CLRN1: variants seen among roughly 807,000 people sequenced by gnomAD.
CLRN1 encodes the protein clarin 1, also known as clarin-1.
A neutral mutation model predicts 18.7 loss-of-function variants in CLRN1; 15 were observed. The ratio of observed to expected loss-of-function variants is 0.80; its 90% confidence interval spans 0.54 to 1.23. CLRN1 has a LOEUF of 1.23. Among genes scored for constraint, CLRN1 ranks in the 50% most tolerant of loss-of-function variants. The pLI is 0.00. For missense variants in CLRN1, 311 were observed against 277.5 expected (o/e 1.12, Z -0.86); for synonymous variants, 104 against 102.9 (o/e 1.01, Z -0.07).
At chr3:150,960,407 T>C (rs770747341) in intron 1 of CLRN1, among the ~76,000 whole-genome samples, 5 of 152,140 alleles carry the variant, frequency 3.3e-5, no homozygotes, top group Non-Finnish European at 5.9e-5. Flanking sequence ...TGTCTCTGCA[T>C]TGGGACCAAG....
Position 150,927,659 on chromosome 3 carries a change from C to CAT in CLRN1, c.*275_*276dup, listed in dbSNP as rs550716419. 4.9e-4 allele frequency: 200 copies of CAT among 405,094 alleles called. No homozygotes were observed. Among genetic ancestry groups the CAT allele is most frequent in the South Asian group, 1.8e-3 (90 of 50,792 alleles). The allele number at this position is 405,094 out of a possible 1,614,324, so 25.1% of individuals were successfully genotyped here. On this transcript the variant is annotated 3_prime_UTR_variant, in exon 3 of 3. Coordinates refer to ENST00000327047, the MANE Select transcript of CLRN1 (RefSeq NM_174878.3). ...ACACACACACACACACACACACACA[C>CAT]ATATATATATATGGAGTAACAATTT...
At chr3:150,970,840 A>G (rs1261663778) in intron 1 of CLRN1, among the ~76,000 whole-genome samples, 1 of 152,216 alleles carries the variant, frequency 6.6e-6, no homozygotes, top group African/African-American at 2.4e-5. Flanking sequence ...CAGGACAAGC[A>G]TAGGACACAA....
intron 1 of CLRN1, among the ~76,000 whole-genome samples, chr3:150,953,745 T>C (rs961813753): frequency 6.6e-6 from 1 of 152,166 alleles, no homozygotes; most frequent in Admixed American, 6.5e-5. Context: ...CTTGAACTCC[T>C]GTCCTCAAGT....
At chr3:150,962,744 T>C (rs1045524957) in intron 1 of CLRN1, among the ~76,000 whole-genome samples, 1 of 152,202 alleles carries the variant, frequency 6.6e-6, no homozygotes. Context: ...TGATCAGATA[T>C]CTCTGCCTTA....
At chr3:150,928,998 C>T (rs1334903541) in intron 2 of CLRN1, among the ~76,000 whole-genome samples, 2 of 152,124 alleles carry the variant, frequency 1.3e-5, no homozygotes, top group Non-Finnish European at 2.9e-5. Flanking sequence ...ACCAATGTGG[C>T]CCCAGAAATG....
At chr3:150,945,548 A>T in intron 1 of CLRN1, 2 of 1,287,072 alleles carry the variant, frequency 1.6e-6, no homozygotes, top group Admixed American at 2.3e-5. Context: ...GCTTAGTGCT[A>T]TCCAATAGGG....
chr3:150,932,790 G>A (rs187231137), intron 2 of CLRN1, among the ~76,000 whole-genome samples: 3 of 152,280 alleles, frequency 2.0e-5, no homozygotes, highest in East Asian at 1.9e-4. Flanking sequence ...GAGACCGATG[G>A]CTACCATCTA....
At chr3:150,959,677 A>G (rs1184201199) in intron 1 of CLRN1, among the ~76,000 whole-genome samples, 1 of 152,100 alleles carries the variant, frequency 6.6e-6, no homozygotes, top group African/African-American at 2.4e-5. Context: ...AATAAGGTAA[A>G]AAGTGTTTTT....
chr3:150,944,022 T>C, intron 1 of CLRN1: 2 of 971,730 alleles, frequency 2.1e-6, no homozygotes, highest in Non-Finnish European at 3.2e-6. Flanking sequence ...TTTCAGATAG[T>C]GATACATATG....
At chr3:150,966,296 A>T (rs760056261) in intron 1 of CLRN1, among the ~76,000 whole-genome samples, 9 of 152,240 alleles carry the variant, frequency 5.9e-5, no homozygotes, top group Non-Finnish European at 1.2e-4. Flanking sequence ...GCTGGACGAC[A>T]GAGTGAGACC....
chr3:150,928,661 G>A (rs146636831), intron 2 of CLRN1, among the ~76,000 whole-genome samples: 152 of 152,300 alleles, frequency 1.0e-3, no homozygotes, highest in African/African-American at 3.4e-3. Flanking sequence ...CTTGTGAAAG[G>A]CCCCAGCCTC....
rs60365976 is a variant in CLRN1 at position 150,966,696 on chromosome 3, A to C, written c.253+5760T>G. Reference sequence around the variant, plus strand: ...GATTGTAATGGGAGAGAAAAGAAACATCCACTTTGGTCATGAAATCCATCT... The same window carrying C: ...GATTGTAATGGGAGAGAAAAGAAACCTCCACTTTGGTCATGAAATCCATCT... On this transcript the variant is annotated intron_variant, in intron 1 of 2. Transcript: ENST00000327047. Among the ~76,000 whole-genome samples the C allele has an allele frequency of 9.4e-3, 1,438 of 152,318 alleles. 28 individuals carry two copies. Among genetic ancestry groups the C allele is most frequent in the African/African-American group, 0.033 (1,377 of 41,560 alleles).
intron 2 of CLRN1, chr3:150,940,356 C>T (rs1230775196): frequency 2.7e-6 from 2 of 751,582 alleles, no homozygotes; most frequent in Non-Finnish European, 2.0e-6. Context: ...TGAACAGAGG[C>T]TACACTGCAA....
At chr3:150,965,520 C>T (rs1715221495) in intron 1 of CLRN1, among the ~76,000 whole-genome samples, 4 of 151,878 alleles carry the variant, frequency 2.6e-5, no homozygotes, top group Non-Finnish European at 2.9e-5. Context: ...TGGCAGAGAC[C>T]CACCCAATAT....
intron 1 of CLRN1, among the ~76,000 whole-genome samples, chr3:150,959,905 C>T (rs1714942368): frequency 6.6e-6 from 1 of 152,112 alleles, no homozygotes; most frequent in Non-Finnish European, 1.5e-5. Context: ...TCTTAAAAAT[C>T]CTAGTAAATT....
In CLRN1 at chr3:150,927,631, T is replaced by TACACACACACACAC. The variant is rs34027634; in HGVS notation, c.*291_*304dup. 1.7e-5 allele frequency: 8 copies of TACACACACACACAC among 473,322 alleles called. No individual in the cohort carries two copies. The highest frequency in any genetic ancestry group is 1.4e-4 in the African/African-American group (7 of 50,032). 29.3% of individuals were successfully genotyped at this position (473,322 alleles called of 1,614,324 possible). A position where few individuals can be genotyped will look rare whatever the true frequency, so the allele number is the denominator to read the frequency against. The stretch of plus-strand genomic sequence containing the variant: ...ATATCTTTTTGATAGGAAGACATCT[T>TACACACACACACAC]ACACACACACACACACACACACACA... On this transcript the variant is annotated 3_prime_UTR_variant, in exon 3 of 3. Transcript: ENST00000327047.
chr3:150,958,190 G>A (rs7617623), intron 1 of CLRN1, among the ~76,000 whole-genome samples: 18,801 of 152,092 alleles, frequency 0.12, 1,275 homozygotes, highest in East Asian at 0.24. Flanking sequence ...TTTTCCTTCT[G>A]TATTCCTTAT....
chr3:150,958,530 C>A (rs1208293904), intron 1 of CLRN1, among the ~76,000 whole-genome samples: 1 of 152,222 alleles, frequency 6.6e-6, no homozygotes, highest in Non-Finnish European at 1.5e-5. Flanking sequence ...TCCAGTCTTA[C>A]CTTTTCCCTC....
At chr3:150,964,897 T>A (rs572772832) in intron 1 of CLRN1, among the ~76,000 whole-genome samples, 1 of 151,970 alleles carries the variant, frequency 6.6e-6, no homozygotes, top group South Asian at 2.1e-4. Context: ...CCGGGGCTTG[T>A]CGGTGGGTGG....
Sources: gnomAD v4.1 joint callset for allele counts (sites outside exome capture counted in the v4.1 genomes callset) on GRCh38, gnomAD v4.1.1 for gene constraint, MANE v1.5 for transcripts, NCBI Gene and HGNC (gene_info 2026-07-23, HGNC 2026-07-21) for gene names.